The following SGMS1 variants were observed in gnomAD, a reference collection of about 807,000 sequenced individuals.
SGMS1 encodes the protein sphingomyelin synthase 1, also known as phosphatidylcholine:ceramide cholinephosphotransferase 1.
Under a neutral mutation model 46.2 loss-of-function variants are expected in SGMS1, and 13 were observed. The ratio of observed to expected loss-of-function variants is 0.28; its 90% CI spans 0.18 to 0.45. The LOEUF (loss-of-function observed/expected upper bound fraction) is 0.45. Among genes scored for constraint, SGMS1 ranks in the 20% least tolerant of loss-of-function variants. The pLI is 1.00. For missense variants in SGMS1, 324 were observed against 519.9 expected (o/e 0.62, Z 3.66); for synonymous variants, 203 against 187.8 (o/e 1.08, Z -0.66).
chr10:50,353,267 T>C (rs1175614874), intron 6 of SGMS1, among the ~76,000 whole-genome samples: 1 of 152,294 alleles, frequency 6.6e-6, no homozygotes, highest in Non-Finnish European at 1.5e-5. Context: ...ATCCCTGGGA[T>C]GCAAGGCTGG....
chr10:50,496,686 C>A (rs1051983214), intron 3 of SGMS1, among the ~76,000 whole-genome samples: 4 of 152,178 alleles, frequency 2.6e-5, no homozygotes, highest in Admixed American at 6.5e-5. Flanking sequence ...TCCAGGTGAT[C>A]CCATGGCTTT....
intron 3 of SGMS1, among the ~76,000 whole-genome samples, chr10:50,492,830 C>A (rs1837578213): frequency 6.6e-6 from 1 of 152,074 alleles, no homozygotes; most frequent in African/African-American, 2.4e-5. Flanking sequence ...CAAAAAAGAG[C>A]CCCAGCAGCC....
intron 1 of SGMS1, among the ~76,000 whole-genome samples, chr10:50,622,389 C>G (rs1392725304): frequency 6.6e-6 from 1 of 152,134 alleles, no homozygotes; most frequent in Non-Finnish European, 1.5e-5. Flanking sequence ...CCCACTCAGT[C>G]CCCCCTGAAT....
intron 7 of SGMS1, among the ~76,000 whole-genome samples, chr10:50,331,980 C>T (rs138641134): frequency 4.9e-4 from 75 of 152,270 alleles, no homozygotes; most frequent in Non-Finnish European, 8.8e-4. Context: ...GTTATTGCAG[C>T]CTGAACAGAC....
intron 5 of SGMS1, among the ~76,000 whole-genome samples, chr10:50,444,726 TA>T (rs55804486): frequency 0.7 from 105,049 of 151,016 alleles, 37,514 homozygotes; most frequent in African/African-American, 0.87. Context: ...CCCCATTTAT[TA>T]AAAAAAAAAT....
intron 2 of SGMS1, among the ~76,000 whole-genome samples, chr10:50,569,211 T>C (rs2131854771): frequency 6.6e-6 from 1 of 150,842 alleles, no homozygotes; most frequent in Middle Eastern, 3.4e-3. Flanking sequence ...AGATAACAGG[T>C]TGATGGGTGC....
intron 3 of SGMS1, among the ~76,000 whole-genome samples, chr10:50,476,996 C>A (rs1204472253): frequency 6.6e-6 from 1 of 152,278 alleles, no homozygotes; most frequent in Non-Finnish European, 1.5e-5. Flanking sequence ...GGAGCCCCCA[C>A]ACAGAGTCCC....
intron 2 of SGMS1, among the ~76,000 whole-genome samples, chr10:50,541,324 A>G (rs954187518): frequency 6.6e-6 from 1 of 152,208 alleles, no homozygotes; most frequent in Non-Finnish European, 1.5e-5. Flanking sequence ...TTTACCTCTC[A>G]AAGCAACTTA....
intron 6 of SGMS1, among the ~76,000 whole-genome samples, chr10:50,359,427 A>G (rs1848211281): frequency 6.6e-6 from 1 of 152,154 alleles, no homozygotes; most frequent in Non-Finnish European, 1.5e-5. Flanking sequence ...GAAAAGAGAG[A>G]ATTTGGGGAG....
At chr10:50,532,644 C>T (rs1837965364) in intron 2 of SGMS1, among the ~76,000 whole-genome samples, 2 of 152,180 alleles carry the variant, frequency 1.3e-5, no homozygotes, top group Non-Finnish European at 2.9e-5. Context: ...CTGTTGTTAA[C>T]CTTGCATCAA....
intron 3 of SGMS1, among the ~76,000 whole-genome samples, chr10:50,478,641 AC>A: frequency 6.6e-6 from 1 of 152,324 alleles, no homozygotes; most frequent in South Asian, 2.1e-4. Flanking sequence ...AATATAAGTA[AC>A]CTGATGCATA....
chr10:50,345,451 T>C (rs1159954873), intron 6 of SGMS1, among the ~76,000 whole-genome samples: 2 of 152,202 alleles, frequency 1.3e-5, no homozygotes, highest in Non-Finnish European at 2.9e-5. Context: ...GATTTACTTA[T>C]TAAAATATTT....
intron 4 of SGMS1, among the ~76,000 whole-genome samples, chr10:50,464,821 G>GGAGGGAGGGAAGAAGGGAGA (rs1384614804): frequency 6.6e-6 from 1 of 152,172 alleles, no homozygotes; most frequent in African/African-American, 2.4e-5. Flanking sequence ...AAGAAGGGGA[G>GGAGGGAGGGAAGAAGGGAGA]GAGGGAGGGA....
chr10:50,376,182 G>A (rs937556212), intron 6 of SGMS1, among the ~76,000 whole-genome samples: 1 of 151,988 alleles, frequency 6.6e-6, no homozygotes, highest in Non-Finnish European at 1.5e-5. Context: ...TTCAGAGGGG[G>A]GTATGTTCGC....
intron 3 of SGMS1, among the ~76,000 whole-genome samples, chr10:50,477,897 C>A (rs1426578103): frequency 1.3e-5 from 2 of 152,134 alleles, no homozygotes; most frequent in African/African-American, 2.4e-5. Context: ...AAACTGTGAG[C>A]TGATTAAACC....
At chr10:50,537,619 G>A (rs1259650421) in intron 2 of SGMS1, among the ~76,000 whole-genome samples, 5 of 34,026 alleles carry the variant, frequency 1.5e-4, no homozygotes, top group East Asian at 1.2e-3. Flanking sequence ...CCCCCTGCCC[G>A]CCCCCATTCC....
chr10:50,317,223 C>A (rs1442204390), intron 8 of SGMS1, among the ~76,000 whole-genome samples: 1 of 152,212 alleles, frequency 6.6e-6, no homozygotes, highest in African/African-American at 2.4e-5. Flanking sequence ...TTCAAAGCAG[C>A]AATGAAGAGG....
chr10:50,537,520 A>G (rs1291270478), intron 2 of SGMS1, among the ~76,000 whole-genome samples: 1 of 151,518 alleles, frequency 6.6e-6, no homozygotes, highest in African/African-American at 2.4e-5. Context: ...GGTTTGTTAC[A>G]TATGTATACA....
chr10:50,491,420 A>G (rs530987092), intron 3 of SGMS1, among the ~76,000 whole-genome samples: 1 of 152,190 alleles, frequency 6.6e-6, no homozygotes, highest in African/African-American at 2.4e-5. Flanking sequence ...TACTCAGCAC[A>G]TTCCTCATAT....
Sources: allele counts gnomAD v4.1 joint callset (sites outside exome capture counted in the v4.1 genomes callset), GRCh38; gene constraint gnomAD v4.1.1; transcripts MANE v1.5; gene names NCBI Gene and HGNC (gene_info 2026-07-23, HGNC 2026-07-21).